ERG: variants seen among roughly 807,000 people sequenced by gnomAD.
ERG encodes the protein transcriptional regulator ERG.
A neutral mutation model predicts 55.3 loss-of-function variants in ERG; 9 were observed. That is an observed-to-expected ratio of 0.16 (90% confidence interval 0.10 to 0.28). The LOEUF (loss-of-function observed/expected upper bound fraction) is 0.28. ERG is among the 10% of genes least tolerant of loss of function. ERG has a pLI of 1.00. For synonymous variants in ERG, 223 were observed against 237.3 expected, an observed-to-expected ratio of 0.94 and a Z score of 0.55; for missense variants, 434 against 631.6, an observed-to-expected ratio of 0.69 and a Z score of 3.35.
chr21:38,635,372 G>A (rs2060382056), intron 1 of ERG, among the ~76,000 whole-genome samples: 1 of 151,932 alleles, frequency 6.6e-6, no homozygotes, highest in Admixed American at 6.5e-5. Context: ...TAGACTTTAG[G>A]TGATAATGAT....
At position 38,424,181 on chromosome 21, in the gene ERG, G is replaced by GCGCTCTCTCTCTCTCTCTCTCT. The variant is rs1555896858; in HGVS notation, c.237-621_237-620insAGAGAGAGAGAGAGAGAGAGCG. On this transcript the variant is annotated intron_variant, in intron 2 of 9. Transcript: ENST00000288319. ...CTTATTAGAAAAGAAAGAGACCAGAGCTCGAGCTCTCTCTCTCTCTCTCTC... is the reference window on the plus strand; with the variant it reads ...CTTATTAGAAAAGAAAGAGACCAGAGCGCTCTCTCTCTCTCTCTCTCTCTCGAGCTCTCTCTCTCTCTCTCTC... Among the ~76,000 whole-genome samples the GCGCTCTCTCTCTCTCTCTCTCT allele has an allele frequency of 1.7e-4, 15 of 88,076 alleles. 1 individual carries two copies. The highest frequency in any genetic ancestry group is 8.7e-4 in the Admixed American group (7 of 8,064). 57.8% of individuals were successfully genotyped at this position (88,076 alleles called of 152,430 possible). A position where few individuals can be genotyped will look rare whatever the true frequency, so the allele number is the denominator to read the frequency against.
intron 1 of ERG, among the ~76,000 whole-genome samples, chr21:38,473,428 T>C (rs1394905283): frequency 1.7e-5 from 2 of 116,000 alleles, no homozygotes; most frequent in Admixed American, 7.8e-5. Flanking sequence ...TATATATACA[T>C]ATATATATAT....
intron 1 of ERG, among the ~76,000 whole-genome samples, chr21:38,656,831 T>G (rs1387673897): frequency 6.6e-6 from 1 of 152,234 alleles, no homozygotes; most frequent in East Asian, 1.9e-4. Context: ...TTTCCTATTT[T>G]TTAAAAGTCA....
At chr21:38,519,147 A>T (rs2059575203) in intron 2 of ERG, among the ~76,000 whole-genome samples, 1 of 152,242 alleles carries the variant, frequency 6.6e-6, no homozygotes, top group Non-Finnish European at 1.5e-5. Flanking sequence ...GAAGATGTGG[A>T]GCAATAAGAA....
At chr21:38,459,750 C>T (rs1267035523) in intron 1 of ERG, among the ~76,000 whole-genome samples, 1 of 152,176 alleles carries the variant, frequency 6.6e-6, no homozygotes, top group Non-Finnish European at 1.5e-5. Context: ...ATAAGTTCAA[C>T]AAATATGTAC....
intron 2 of ERG, among the ~76,000 whole-genome samples, chr21:38,514,126 T>C (rs1470487129): frequency 6.6e-6 from 1 of 150,422 alleles, no homozygotes; most frequent in East Asian, 1.9e-4. Flanking sequence ...GATTGAAAAA[T>C]CTCAGACCTC....
At chr21:38,474,898 T>C (rs2059173632) in intron 1 of ERG, among the ~76,000 whole-genome samples, 1 of 152,178 alleles carries the variant, frequency 6.6e-6, no homozygotes, top group African/African-American at 2.4e-5. Context: ...ACCTTCCTGA[T>C]AACATCTAAC....
chr21:38,601,094 G>A (rs184532209), intron 1 of ERG, among the ~76,000 whole-genome samples: 65 of 152,288 alleles, frequency 4.3e-4, no homozygotes, highest in Admixed American at 1.4e-3. Context: ...TTTTATTGCC[G>A]GGACTGACAG....
chr21:38,522,302 T>C (rs2059600732), intron 2 of ERG, among the ~76,000 whole-genome samples: 1 of 152,130 alleles, frequency 6.6e-6, no homozygotes, highest in Admixed American at 6.5e-5. Context: ...ACTTCTGAAA[T>C]AATGGTCTTT....
chr21:38,370,158 A>G, the ERG span, among the ~76,000 whole-genome samples: 1 of 152,082 alleles, frequency 6.6e-6, no homozygotes, highest in East Asian at 1.9e-4. Context: ...CAAAATAGAT[A>G]TTATTTTGAT....
chr21:38,540,724 T>C (rs1474566792), intron 2 of ERG, among the ~76,000 whole-genome samples: 1 of 152,154 alleles, frequency 6.6e-6, no homozygotes, highest in Non-Finnish European at 1.5e-5. Context: ...AATCCAATCC[T>C]TGCTAGGAAT....
In ERG at chr21:38,402,679, A is replaced by G. The variant is rs540602789; in HGVS notation, c.593-42T>C. On this transcript the variant is annotated intron_variant, in intron 4 of 9. Coordinates refer to ENST00000288319, the MANE Select transcript of ERG (RefSeq NM_182918.4). ...AAAGCGACATCAAAATGAAAAAAAAAAGAGAGAGAGAGAAAGAGAATTACC... is the reference window on the plus strand; with the variant it reads ...AAAGCGACATCAAAATGAAAAAAAAGAGAGAGAGAGAGAAAGAGAATTACC... 79 of 1,173,086 alleles carry G rather than the reference A, an allele frequency of 6.7e-5. 1 individual carries two copies. The Admixed American group carries it at 8.6e-4, about 13-fold the overall frequency. 72.7% of individuals were successfully genotyped at this position (1,173,086 alleles called of 1,614,324 possible). A position where few individuals can be genotyped will look rare whatever the true frequency, so the allele number is the denominator to read the frequency against.
chr21:38,403,190 A>C (rs558506849), intron 4 of ERG, among the ~76,000 whole-genome samples: 1 of 152,314 alleles, frequency 6.6e-6, no homozygotes, highest in East Asian at 1.9e-4. Context: ...AGACTTAACT[A>C]ATGTGTGACC....
rs1276920203 is a variant in ERG, at chr21:38,403,561, G to A, written c.537C>T (p.Leu179=). The A allele has an allele frequency of 2.5e-6, 4 of 1,614,202 alleles. No homozygotes were observed. The South Asian group carries it at 4.4e-5, about 18-fold the overall frequency. The change falls in exon 4 of 10, where the codon CTC becomes CTT. Residue 179 remains leucine (L), a synonymous_variant. Coordinates refer to ENST00000288319, the MANE Select transcript of ERG (RefSeq NM_182918.4). ...GGATGTCGGCGTTGTAGCTGGGGGT[G>A]AGCCTCTGGAAGTCGTCCTTGGTCA... The part of the protein sequence containing the change: ...CKMTKDDFQR[L]TPSYNADILL...
At chr21:38,646,184 G>A (rs145831883) in intron 1 of ERG, among the ~76,000 whole-genome samples, 2 of 151,510 alleles carry the variant, frequency 1.3e-5, no homozygotes, top group East Asian at 3.9e-4. Flanking sequence ...GGGAGACTGC[G>A]GCACAAGAAT....
chr21:38,554,622 G>A (rs1045678361), intron 2 of ERG, among the ~76,000 whole-genome samples: 4 of 152,132 alleles, frequency 2.6e-5, no homozygotes, highest in African/African-American at 9.7e-5. Flanking sequence ...GCTAAACACT[G>A]AGCACACATG....
upstream of ERG, among the ~76,000 whole-genome samples, chr21:38,502,944 C>G (rs1339961199): frequency 1.3e-5 from 2 of 152,234 alleles, no homozygotes; most frequent in African/African-American, 4.8e-5. Flanking sequence ...CCAGGATGGT[C>G]TCGATCTCTT....
At chr21:38,504,245 A>G (rs567127140) in intron 2 of ERG, among the ~76,000 whole-genome samples, 3 of 152,328 alleles carry the variant, frequency 2.0e-5, no homozygotes, top group African/African-American at 7.2e-5. Flanking sequence ...TTTCCTTAAT[A>G]CTGAAGCACA....
chr21:38,636,682 C>G (rs1601338631), intron 1 of ERG, among the ~76,000 whole-genome samples: 1 of 152,106 alleles, frequency 6.6e-6, no homozygotes. Flanking sequence ...CCAACCTCTC[C>G]TCTCCCACCT....
Sources: gnomAD v4.1 joint callset for allele counts (sites outside exome capture counted in the v4.1 genomes callset) on GRCh38, gnomAD v4.1.1 for gene constraint, MANE v1.5 for transcripts, NCBI Gene and HGNC (gene_info 2026-07-23, HGNC 2026-07-21) for gene names.